Variants in DUSP16 observed in about 807,000 individuals in gnomAD.
DUSP16 encodes the protein dual specificity protein phosphatase 16.
In DUSP16, 21 loss-of-function variants were observed where a neutral mutation model predicts 58.3. The ratio of observed to expected loss-of-function variants is 0.36; its 90% CI spans 0.26 to 0.52. The LOEUF (loss-of-function observed/expected upper bound fraction) is 0.52. Among genes scored for constraint, DUSP16 ranks in the 20% least tolerant of loss-of-function variants. The pLI, the probability that DUSP16 is intolerant of heterozygous loss-of-function variation, is 0.94. For missense variants in DUSP16, 726 were observed against 819.0 expected, an observed-to-expected ratio of 0.89 and a Z score of 1.39; for synonymous variants, 320 against 323.8, an observed-to-expected ratio of 0.99 and a Z score of 0.12.
intron 4 of DUSP16, among the ~76,000 whole-genome samples, chr12:12,497,847 G>A (rs570708729): frequency 6.6e-6 from 1 of 152,158 alleles, no homozygotes; most frequent in Admixed American, 6.5e-5. Flanking sequence ...GTGCGTGCCT[G>A]TAGTCTCAGC....
At chr12:12,488,010 C>T (rs1017729332) in intron 4 of DUSP16, among the ~76,000 whole-genome samples, 5 of 152,142 alleles carry the variant, frequency 3.3e-5, no homozygotes, top group African/African-American at 1.2e-4. Flanking sequence ...AAAAAGCCAC[C>T]AGGAGCTCTT....
At chr12:12,541,862 T>A (rs896175960) in intron 1 of DUSP16, among the ~76,000 whole-genome samples, 1 of 152,110 alleles carries the variant, frequency 6.6e-6, no homozygotes, top group African/African-American at 2.4e-5. Flanking sequence ...CAAAAACTTG[T>A]ATAAAAATGT....
At chr12:12,534,620 C>T (rs759875404) in intron 1 of DUSP16, among the ~76,000 whole-genome samples, 1 of 152,176 alleles carries the variant, frequency 6.6e-6, no homozygotes, top group African/African-American at 2.4e-5. Context: ...ATGAGTATAA[C>T]CAAGCCTCTT....
intron 1 of DUSP16, among the ~76,000 whole-genome samples, chr12:12,539,418 C>G (rs900282591): frequency 1.3e-5 from 2 of 152,176 alleles, no homozygotes; most frequent in Admixed American, 1.3e-4. Context: ...ATGGGTGAAG[C>G]AATCTAGTTT....
At chr12:12,549,595 G>C (rs1318326295) in intron 1 of DUSP16, among the ~76,000 whole-genome samples, 1 of 151,828 alleles carries the variant, frequency 6.6e-6, no homozygotes, top group Non-Finnish European at 1.5e-5. Flanking sequence ...AAAAATAACA[G>C]TCTCCCCACC....
intron 1 of DUSP16, among the ~76,000 whole-genome samples, chr12:12,556,787 T>C (rs1464972347): frequency 2.6e-5 from 4 of 152,172 alleles, no homozygotes; most frequent in African/African-American, 9.7e-5. Flanking sequence ...CTTCCCCATT[T>C]TGGAACATCT....
intron 4 of DUSP16, among the ~76,000 whole-genome samples, chr12:12,489,696 T>C (rs1339473361): frequency 6.6e-6 from 1 of 152,222 alleles, no homozygotes; most frequent in African/African-American, 2.4e-5. Flanking sequence ...AGAGAAAACA[T>C]GTTGCAAGTC....
chr12:12,552,087 G>A (rs1944736524), intron 1 of DUSP16, among the ~76,000 whole-genome samples: 1 of 152,140 alleles, frequency 6.6e-6, no homozygotes, highest in Non-Finnish European at 1.5e-5. Context: ...ATGGACCAGT[G>A]GATTTTAATG....
chr12:12,502,553 T>C (rs1166107943), intron 3 of DUSP16, among the ~76,000 whole-genome samples: 1 of 150,382 alleles, frequency 6.6e-6, no homozygotes, highest in East Asian at 2.0e-4. Context: ...TGGTTTCATT[T>C]TTTTTTTTTT....
At chr12:12,558,707 T>C (rs1944848359) in intron 1 of DUSP16, among the ~76,000 whole-genome samples, 1 of 152,166 alleles carries the variant, frequency 6.6e-6, no homozygotes, top group African/African-American at 2.4e-5. Context: ...TAAAAAAATC[T>C]TGTGACTTTG....
chr12:12,536,901 T>C (rs192409268), intron 1 of DUSP16, among the ~76,000 whole-genome samples: 1 of 152,192 alleles, frequency 6.6e-6, no homozygotes, highest in East Asian at 1.9e-4. Context: ...TAGCCAGGCA[T>C]GGTGGCGCAT....
chr12:12,537,717 C>T (rs867602859), intron 1 of DUSP16, among the ~76,000 whole-genome samples: 3 of 152,286 alleles, frequency 2.0e-5, no homozygotes, highest in Middle Eastern at 6.8e-3. Flanking sequence ...CAAAAGAAAC[C>T]TATCACCATT....
At chr12:12,505,756 A>C (rs897048129) in intron 3 of DUSP16, among the ~76,000 whole-genome samples, 1 of 152,212 alleles carries the variant, frequency 6.6e-6, no homozygotes, top group Non-Finnish European at 1.5e-5. Flanking sequence ...AGAGAAAGAA[A>C]CCATTGTTCA....
At chr12:12,523,398 G>A (rs772979962) in intron 1 of DUSP16, among the ~76,000 whole-genome samples, 2 of 152,160 alleles carry the variant, frequency 1.3e-5, no homozygotes, top group Non-Finnish European at 2.9e-5. Flanking sequence ...GATAAAAACA[G>A]ATGTAATTCC....
chr12:12,481,304 T>C (rs1943560279), intron 5 of DUSP16, among the ~76,000 whole-genome samples: 1 of 152,162 alleles, frequency 6.6e-6, no homozygotes, highest in Non-Finnish European at 1.5e-5. Context: ...CTTAACAATA[T>C]GTACATGTGG....
At position 12,482,696 on chromosome 12, in the gene DUSP16, G is replaced by A. The variant is rs377341636; in HGVS notation, c.692-2350C>T. Reference sequence around the variant, plus strand: ...GGTGGGAAGCAGGTGTTTGAGGGTGGTGGGAATGTTAGGCTAAGGGCTACA... The same window carrying A: ...GGTGGGAAGCAGGTGTTTGAGGGTGATGGGAATGTTAGGCTAAGGGCTACA... On this transcript the variant is annotated intron_variant, in intron 5 of 6. Coordinates refer to ENST00000298573, the MANE Select transcript of DUSP16 (RefSeq NM_030640.3). Among the ~76,000 whole-genome samples the A allele has an allele frequency of 1.2e-4, 19 of 152,310 alleles. No homozygotes were observed. In the South Asian group the frequency reaches 3.5e-3, roughly 28 times the overall value.
intron 3 of DUSP16, 121 bp downstream of exon 3, chr12:12,519,741 A>T: frequency 2.1e-6 from 2 of 968,990 alleles, no homozygotes; most frequent in Admixed American, 2.5e-5. Flanking sequence ...CAAAAGCTAT[A>T]AATAAATCAT....
chr12:12,514,717 G>C (rs927588757), intron 3 of DUSP16, among the ~76,000 whole-genome samples: 5 of 152,144 alleles, frequency 3.3e-5, no homozygotes, highest in African/African-American at 9.7e-5. Flanking sequence ...CGCCCAGGCT[G>C]GAGTTCAGTG....
chr12:12,502,780 A>T (rs1218423867), intron 3 of DUSP16, among the ~76,000 whole-genome samples: 1 of 151,980 alleles, frequency 6.6e-6, no homozygotes, highest in African/African-American at 2.4e-5. Context: ...GGAACTCCTG[A>T]CCTCAGGTGA....
Sources: allele counts gnomAD v4.1 joint callset (sites outside exome capture counted in the v4.1 genomes callset), GRCh38; gene constraint gnomAD v4.1.1; transcripts MANE v1.5; gene names NCBI Gene and HGNC (gene_info 2026-07-23, HGNC 2026-07-21).